Variants in ELMO1 observed in about 807,000 individuals in gnomAD.
ELMO1 encodes the protein engulfment and cell motility protein 1.
A neutral mutation model predicts 98.9 loss-of-function variants in ELMO1; 26 were observed. The observed-to-expected ratio is 0.26, with a 90% CI of 0.19 to 0.36. The LOEUF is 0.36. Among genes scored for constraint, ELMO1 ranks in the 10% least tolerant of loss-of-function variants. The pLI, the probability that ELMO1 is intolerant of heterozygous loss-of-function variation, is 1.00. For missense variants in ELMO1, 627 were observed against 935.2 expected (o/e 0.67, Z 4.30); for synonymous variants, 346 against 346.0 (o/e 1.00, Z 0.00).
chr7:37,092,347 A>C (rs1010148003), intron 15 of ELMO1, among the ~76,000 whole-genome samples: 3 of 148,672 alleles, frequency 2.0e-5, no homozygotes, highest in Middle Eastern at 3.2e-3. Flanking sequence ...TATCACTTGC[A>C]AAAAAAATTA....
chr7:36,906,781 A>C (rs182801795), intron 16 of ELMO1, among the ~76,000 whole-genome samples: 24 of 150,964 alleles, frequency 1.6e-4, no homozygotes, highest in African/African-American at 5.3e-4. Context: ...AGACCTCCCA[A>C]AAAAAAAAGG....
chr7:37,144,902 G>C (rs1787883892), intron 13 of ELMO1, among the ~76,000 whole-genome samples: 1 of 152,162 alleles, frequency 6.6e-6, no homozygotes. Flanking sequence ...ACATCCAAGG[G>C]AAAATATAAG....
intron 4 of ELMO1, among the ~76,000 whole-genome samples, chr7:37,309,221 CAA>C (rs1396351991): frequency 2.6e-5 from 4 of 152,078 alleles, no homozygotes; most frequent in South Asian, 2.1e-4. Context: ...TGGCAGCAGA[CAA>C]GAGAGGGAAT....
chr7:37,187,264 T>A (rs1420198442), intron 13 of ELMO1, among the ~76,000 whole-genome samples: 1 of 152,172 alleles, frequency 6.6e-6, no homozygotes, highest in African/African-American at 2.4e-5. Context: ...TAGACAAATC[T>A]ATAGACAACG....
intron 13 of ELMO1, among the ~76,000 whole-genome samples, chr7:37,138,349 G>C (rs372617604): frequency 2.7e-5 from 4 of 150,128 alleles, no homozygotes; most frequent in Middle Eastern, 7.0e-3. Context: ...AAAAAGAAGA[G>C]AGAAGATCCA....
intron 1 of ELMO1, among the ~76,000 whole-genome samples, chr7:37,408,093 T>C (rs1803847562): frequency 6.6e-6 from 1 of 152,216 alleles, no homozygotes; most frequent in Non-Finnish European, 1.5e-5. Flanking sequence ...TACAGTAGCA[T>C]TGGATTTTAT....
At chr7:37,126,958 C>T (rs1274902278) in intron 14 of ELMO1, among the ~76,000 whole-genome samples, 2 of 152,114 alleles carry the variant, frequency 1.3e-5, no homozygotes, top group Non-Finnish European at 2.9e-5. Flanking sequence ...ATAATAGAAA[C>T]ATCTCATTTG....
intron 16 of ELMO1, among the ~76,000 whole-genome samples, chr7:36,959,081 A>G (rs1288896183): frequency 6.6e-6 from 1 of 151,958 alleles, no homozygotes; most frequent in Admixed American, 6.6e-5. Flanking sequence ...CTAAAGTCAT[A>G]CTTGACTTCA....
chr7:37,313,249 G>A (rs947336981), intron 4 of ELMO1, among the ~76,000 whole-genome samples: 9 of 152,096 alleles, frequency 5.9e-5, no homozygotes, highest in Non-Finnish European at 1.2e-4. Context: ...TCTCGAGATG[G>A]AGTCTCGCTC....
At chr7:37,396,876 C>T (rs1469589190) in intron 1 of ELMO1, among the ~76,000 whole-genome samples, 1 of 152,178 alleles carries the variant, frequency 6.6e-6, no homozygotes, top group Non-Finnish European at 1.5e-5. Flanking sequence ...TCTGAAATTA[C>T]TATACATGAA....
chr7:37,356,717 A>T (rs1801514502), intron 1 of ELMO1, among the ~76,000 whole-genome samples: 1 of 152,002 alleles, frequency 6.6e-6, no homozygotes, highest in Admixed American at 6.5e-5. Context: ...TGTGTAACAA[A>T]CCTGCACATT....
intron 13 of ELMO1, chr7:37,197,101 C>G (rs1189435603): frequency 6.6e-6 from 1 of 152,144 alleles, no homozygotes; most frequent in Non-Finnish European, 1.5e-5. Flanking sequence ...TACCCCTTAC[C>G]CTTTTAACCA....
At chr7:37,444,848 G>A (rs992550908) in intron 1 of ELMO1, among the ~76,000 whole-genome samples, 2 of 152,182 alleles carry the variant, frequency 1.3e-5, no homozygotes, top group Non-Finnish European at 1.5e-5. Flanking sequence ...GTCAATAGCC[G>A]ACAGAACTGC....
intron 15 of ELMO1, among the ~76,000 whole-genome samples, chr7:37,057,010 C>G (rs148136909): frequency 0.014 from 2,146 of 152,124 alleles, 19 homozygotes; most frequent in Middle Eastern, 0.041. Context: ...GATAAGTACT[C>G]AAAAATATCT....
chr7:37,435,563 A>T lies in ELMO1; in HGVS notation c.-74+13112T>A, dbSNP rs537394139. Among the ~76,000 whole-genome samples the T allele has an allele frequency of 1.4e-3, 208 of 152,354 alleles. 1 individual carries two copies. Among genetic ancestry groups the T allele is most frequent in the African/African-American group, 4.5e-3 (187 of 41,584 alleles). On this transcript the variant is annotated intron_variant, in intron 1 of 21. Transcript: ENST00000310758. ...AAAATTGTCTTAAAGATATATGTTG[A>T]GATAAAAACAAATCTGAGAATTTTC...
chr7:37,129,788 T>C (rs1460844176), intron 14 of ELMO1, among the ~76,000 whole-genome samples: 1 of 152,200 alleles, frequency 6.6e-6, no homozygotes, highest in Non-Finnish European at 1.5e-5. Flanking sequence ...TTAATTCTCA[T>C]CTTCATTTAA....
At chr7:37,306,723 T>C (rs141721535) in intron 4 of ELMO1, among the ~76,000 whole-genome samples, 20 of 152,250 alleles carry the variant, frequency 1.3e-4, no homozygotes, top group African/African-American at 4.6e-4. Flanking sequence ...GAGGTGGAAA[T>C]ATCACAGCTT....
Position 37,211,234 on chromosome 7 carries a change from A to T in ELMO1, c.1086+152T>A, listed in dbSNP as rs1453176744. On this transcript the variant is annotated intron_variant, in intron 13 of 21. Transcript: ENST00000310758. Reference sequence around the variant, plus strand: ...TGAAGCCAGAAGAGATTTTCATGTGATCCTGTTTAAACCAGCTAAACATCT... The same window carrying T: ...TGAAGCCAGAAGAGATTTTCATGTGTTCCTGTTTAAACCAGCTAAACATCT... 4.8e-5 allele frequency: 51 copies of T among 1,062,020 alleles called. 1 individual carries two copies. The East Asian group carries it at 7.0e-4, about 15-fold the overall frequency. 65.8% of individuals were successfully genotyped at this position (1,062,020 alleles called of 1,614,324 possible). A position where few individuals can be genotyped will look rare whatever the true frequency, so the allele number is the denominator to read the frequency against.
At chr7:36,868,722 T>C (rs1803255323) in intron 20 of ELMO1, among the ~76,000 whole-genome samples, 1 of 152,176 alleles carries the variant, frequency 6.6e-6, no homozygotes, top group South Asian at 2.1e-4. Flanking sequence ...AGGAAGTCCC[T>C]CCACACCTAT....
Sources: gnomAD v4.1 joint callset for allele counts (sites outside exome capture counted in the v4.1 genomes callset) on GRCh38, gnomAD v4.1.1 for gene constraint, MANE v1.5 for transcripts, NCBI Gene and HGNC (gene_info 2026-07-23, HGNC 2026-07-21) for gene names.